PLG: variants seen among roughly 807,000 people sequenced by gnomAD.
PLG encodes plasmin.
In PLG, 41 loss-of-function variants were observed where a neutral mutation model predicts 104.4. That is an observed-to-expected ratio of 0.39 (90% CI 0.31 to 0.51). PLG has a LOEUF of 0.51. Ranked by LOEUF, PLG falls within the 20% of genes least tolerant of loss-of-function variation. PLG has a pLI of 0.76. For missense variants in PLG, 891 were observed against 1,003.6 expected (o/e 0.89, Z 1.52); for synonymous variants, 337 against 357.1 (o/e 0.94, Z 0.63).
At chr6:160,714,696 G>T (rs995456620) in intron 5 of PLG, 98 bp from the exon 6 acceptor site, 2 of 1,174,402 alleles carry the variant, frequency 1.7e-6, no homozygotes, top group Non-Finnish European at 2.5e-6. Flanking sequence ...GAGGCAAGTC[G>T]CACTTAAGTG....
chr6:160,750,849 G>A (rs974397464), intron 17 of PLG, among the ~76,000 whole-genome samples: 2 of 152,130 alleles, frequency 1.3e-5, no homozygotes, highest in African/African-American at 2.4e-5. Flanking sequence ...TATTTGTGAC[G>A]ACACTGAGAC....
Position 160,741,379 on chromosome 6 carries a change from G to A in PLG, c.2087G>A (p.Arg696Gln), listed in dbSNP as rs147930532. 8.3e-5 allele frequency: 134 copies of A among 1,613,048 alleles called. 1 individual carries two copies. In the Admixed American group the frequency reaches 1.0e-3, roughly 13 times the overall value. The change falls in exon 17 of 19, where the codon CGG becomes CAG. Residue 696 changes from arginine to glutamine, a missense_variant. Coordinates refer to ENST00000308192, the MANE Select transcript of PLG (RefSeq NM_000301.5). The surrounding 1 kb of genome is among the most constrained non-coding windows in gnomAD (Gnocchi z 4.7). ...TCCCCAAATTATGTGGTCGCTGACC[G>A]GACCGAATGTTTCATCACTGGCTGG... ...LPSPNYVVAD[R>Q]TECFITGWGE...
chr6:160,705,990 C>T (rs3873134), intron 1 of PLG: 1 of 217,860 alleles, frequency 4.6e-6, no homozygotes, highest in Non-Finnish European at 9.2e-6. Flanking sequence ...TTGCAATCTG[C>T]TAATGAAACT....
Position 160,731,087 on chromosome 6 carries a change from C to T in PLG, c.1293C>T (p.Ala431=), listed in dbSNP as rs767669117. ...TGAACTACTGCAGGAATCCAGATGC[C>T]GATAAAGGCCCCTGGTGTTTTACCA... ...LTMNYCRNPD[A]DKGPWCFTTD... Residue 431 remains alanine, a synonymous_variant, in exon 11 of 19, where the codon GCC becomes GCT. Coordinates refer to ENST00000308192, the MANE Select transcript of PLG (RefSeq NM_000301.5). This position sits in a 1 kb window ranked among gnomAD's most constrained non-coding sequence, Gnocchi z 5.1. 11 of 1,613,808 alleles carry T rather than the reference C, an allele frequency of 6.8e-6. No individual in the cohort carries two copies. The Middle Eastern group carries it at 4.9e-4, about 73-fold the overall frequency.
rs1054000198 is a variant in PLG at position 160,753,991 on chromosome 6, G to A, written c.*930G>A. The stretch of plus-strand genomic sequence containing the variant: ...AACAGTCATCTTACAGCAGAGAAAT[G>A]CAGAGAAAAGCAAAACTGCAAGTGA... On this transcript the variant is annotated 3_prime_UTR_variant, in exon 19 of 19. Coordinates refer to ENST00000308192, the MANE Select transcript of PLG (RefSeq NM_000301.5). The surrounding 1 kb of genome is among the most constrained non-coding windows in gnomAD (Gnocchi z 5.4). Among the ~76,000 whole-genome samples, 1 of 152,208 alleles carries A rather than the reference G, an allele frequency of 6.6e-6. No individual in the cohort carries two copies. The highest frequency in any genetic ancestry group is 2.4e-5 in the African/African-American group (1 of 41,448).
Position 160,739,283 on chromosome 6 carries a change from G to T in PLG, c.2018+75G>T. 2 of 1,571,310 alleles carry T rather than the reference G, an allele frequency of 1.3e-6. No homozygotes were observed. The highest frequency in any genetic ancestry group is 1.7e-5 in the Admixed American group (1 of 59,910). Reference sequence around the variant, plus strand: ...TTATGTCTGGGTTTTATGGGCCATGGCCACTGCATGGCAGTGGGGAGGAAC... The same window carrying T: ...TTATGTCTGGGTTTTATGGGCCATGTCCACTGCATGGCAGTGGGGAGGAAC... On this transcript the variant is annotated intron_variant, in intron 16 of 18. Coordinates refer to ENST00000308192, the MANE Select transcript of PLG (RefSeq NM_000301.5). The surrounding 1 kb of genome is among the most constrained non-coding windows in gnomAD (Gnocchi z 4.4).
intron 17 of PLG, among the ~76,000 whole-genome samples, chr6:160,750,934 A>C (rs917599226): frequency 6.6e-6 from 1 of 152,190 alleles, no homozygotes; most frequent in Admixed American, 6.5e-5. Flanking sequence ...CAATTTGGCA[A>C]AGAAAATAAA....
chr6:160,744,373 C>T lies in PLG; in HGVS notation c.2125+2956C>T, dbSNP rs751651298. ...TTCTGTTCAGGGAATCAATTTCTTC[C>T]TGGTTCAGTCTTGGGAGGGTGTATG... On this transcript the variant is annotated intron_variant, in intron 17 of 18. Transcript: ENST00000308192. This position sits in a 1 kb window ranked among gnomAD's most constrained non-coding sequence, Gnocchi z 4.5. Among the ~76,000 whole-genome samples, 1 of 152,080 alleles carries T rather than the reference C, an allele frequency of 6.6e-6. No homozygotes were observed. Among genetic ancestry groups the T allele is most frequent in the Non-Finnish European group, 1.5e-5 (1 of 68,030 alleles).
intron 17 of PLG, among the ~76,000 whole-genome samples, chr6:160,749,631 A>G (rs1778363776): frequency 6.6e-6 from 1 of 151,282 alleles, no homozygotes; most frequent in Non-Finnish European, 1.5e-5. Flanking sequence ...CACCACCATC[A>G]TCACCACCAC....
chr6:160,711,004 C>T (rs768509530), intron 3 of PLG, 73 bp from the exon 4 acceptor site: 460 of 1,445,998 alleles, frequency 3.2e-4, no homozygotes, highest in South Asian at 2.7e-3. Flanking sequence ...TTTTTCTCAA[C>T]GTGACTATGC....
intron 10 of PLG, among the ~76,000 whole-genome samples, chr6:160,729,135 A>G (rs1489919025): frequency 1.4e-5 from 2 of 145,106 alleles, no homozygotes; most frequent in Non-Finnish European, 3.2e-5. Flanking sequence ...CAGATGGACA[A>G]TAAGCACCTG....
Position 160,702,283 on chromosome 6 carries a change from G to A in PLG, c.-22G>A, listed in dbSNP as rs1369474656. The A allele has an allele frequency of 6.2e-7, 1 of 1,609,278 alleles. No individual in the cohort carries two copies. Among genetic ancestry groups the A allele is most frequent in the Non-Finnish European group, 8.5e-7 (1 of 1,179,620 alleles). On this transcript the variant is annotated 5_prime_UTR_variant, in exon 1 of 19. Coordinates refer to ENST00000308192, the MANE Select transcript of PLG (RefSeq NM_000301.5). ...TCCTGGGATTGGGACCCACTTTCTG[G>A]GCACTGCTGGCCAGTCCCAAAATGG...
rs920717209 is a variant in PLG at position 160,723,753 on chromosome 6, G to A, written c.1256+1186G>A. Among the ~76,000 whole-genome samples the A allele has an allele frequency of 2.0e-5, 3 of 152,110 alleles. No individual in the cohort carries two copies. Among genetic ancestry groups the A allele is most frequent in the Non-Finnish European group, 4.4e-5 (3 of 68,022 alleles). ...CTACTGGGGAAAGAAAAACTGCAGG[G>A]GAACAGTGAGCTCAATGGAGATGCC... On this transcript the variant is annotated intron_variant, in intron 10 of 18. Transcript: ENST00000308192. The surrounding 1 kb of genome is among the most constrained non-coding windows in gnomAD (Gnocchi z 4.7).
intron 1 of PLG, among the ~76,000 whole-genome samples, chr6:160,703,362 G>A (rs1777457633): frequency 1.3e-5 from 2 of 151,692 alleles, no homozygotes; most frequent in Non-Finnish European, 2.9e-5. Flanking sequence ...TGAGAGTTGT[G>A]CAGCCACCAT....
intron 1 of PLG, chr6:160,706,071 T>C: frequency 3.0e-6 from 1 of 330,188 alleles, no homozygotes; most frequent in Non-Finnish European, 5.7e-6. Flanking sequence ...CATAACTAAA[T>C]TGCGTGACAC....
At chr6:160,728,982 A>C (rs1777958762) in intron 10 of PLG, among the ~76,000 whole-genome samples, 1 of 152,214 alleles carries the variant, frequency 6.6e-6, no homozygotes, top group Admixed American at 6.5e-5. Context: ...ACAGACTGGA[A>C]TAAAAATTCT....
In PLG at chr6:160,707,622, A is replaced by G; in HGVS notation, c.186-78A>G. ...CTCAAGATATTCAATGATCTTTAGC[A>G]TGTCTCACTTATTAATAAACATTTG... On this transcript the variant is annotated intron_variant, in intron 2 of 18. Transcript: ENST00000308192. 1.4e-5 allele frequency: 19 copies of G among 1,382,514 alleles called. 1 individual carries two copies. The highest frequency in any genetic ancestry group is 1.9e-5 in the Non-Finnish European group (18 of 971,778). 85.6% of individuals were successfully genotyped at this position (1,382,514 alleles called of 1,614,324 possible). A position where few individuals can be genotyped will look rare whatever the true frequency, so the allele number is the denominator to read the frequency against.
In PLG at chr6:160,731,133, G is replaced by T; in HGVS notation, c.1339G>T (p.Glu447Ter). ...CFTTDPSVRWEYCNLKKCSGT... is the reference protein window; with the variant it reads ...CFTTDPSVRW ...TACCACAGACCCCAGCGTCAGGTGG[G>T]AGTACTGCAACCTGAAAAAATGCTC... The change falls in exon 11 of 19, where the codon GAG (glutamate) becomes TAG (stop). Residue 447 changes from glutamate to a stop codon, truncating the protein, a stop_gained. Coordinates refer to ENST00000308192, the MANE Select transcript of PLG (RefSeq NM_000301.5). LOFTEE classifies it high-confidence loss of function. The surrounding 1 kb of genome is among the most constrained non-coding windows in gnomAD (Gnocchi z 5.1). The T allele has an allele frequency of 6.2e-7, 1 of 1,613,884 alleles. No homozygotes were observed. The highest frequency in any genetic ancestry group is 8.5e-7 in the Non-Finnish European group (1 of 1,179,802).
In PLG at chr6:160,716,630, T is replaced by A. The variant is rs769325955; in HGVS notation, c.669-15T>A. ...TAAATGTTCAGTGCTACTAAAATCTTTCTTGTCCATTCAGATTTCCAAACA... is the reference window on the plus strand; with the variant it reads ...TAAATGTTCAGTGCTACTAAAATCTATCTTGTCCATTCAGATTTCCAAACA... On this transcript the variant is annotated splice_polypyrimidine_tract_variant and intron_variant, in intron 6 of 18. Coordinates refer to ENST00000308192, the MANE Select transcript of PLG (RefSeq NM_000301.5). The A allele has an allele frequency of 7.1e-7, 1 of 1,413,606 alleles. No individual in the cohort carries two copies. The highest frequency in any genetic ancestry group is 1.0e-6 in the Non-Finnish European group (1 of 996,970). 87.6% of individuals were successfully genotyped at this position (1,413,606 alleles called of 1,614,324 possible). A position where few individuals can be genotyped will look rare whatever the true frequency, so the allele number is the denominator to read the frequency against.
Sources: allele counts gnomAD v4.1 joint callset (sites outside exome capture counted in the v4.1 genomes callset), GRCh38; gene constraint gnomAD v4.1.1; non-coding constraint Gnocchi (gnomAD v3.1); transcripts MANE v1.5; gene names NCBI Gene and HGNC (gene_info 2026-07-23, HGNC 2026-07-21).